The following AGBL1 variants were observed in gnomAD, a reference collection of about 807,000 sequenced individuals.
AGBL1 encodes AGBL carboxypeptidase 1.
Under a neutral mutation model 118.9 loss-of-function variants are expected in AGBL1, and 130 were observed. The observed-to-expected ratio is 1.09, with a 90% CI of 0.95 to 1.26. AGBL1 has a LOEUF of 1.26. AGBL1 is among the 50% of genes most tolerant of loss of function. The probability of loss-of-function intolerance (pLI) is 0.00; values close to 1 mark genes in which losing one functional copy is unlikely to be tolerated. For missense variants in AGBL1, 1,584 were observed against 1,298.1 expected (o/e 1.22, Z -3.38); for synonymous variants, 555 against 478.9 (o/e 1.16, Z -2.08).
intron 17 of AGBL1, among the ~76,000 whole-genome samples, chr15:86,348,847 A>T (rs1166096599): frequency 1.3e-5 from 2 of 151,932 alleles, no homozygotes; most frequent in Non-Finnish European, 2.9e-5. Context: ...TCTTGAGTTG[A>T]ATAGTGCCCC....
chr15:86,431,391 C>T (rs1416485083), intron 18 of AGBL1, among the ~76,000 whole-genome samples: 1 of 152,196 alleles, frequency 6.6e-6, no homozygotes, highest in African/African-American at 2.4e-5. Flanking sequence ...GCTAAGCACA[C>T]AGTGCTAAGC....
chr15:86,984,890 C>T lies in AGBL1; in HGVS notation c.3222-3097C>T, dbSNP rs145516567. 4.9e-3 allele frequency among the ~76,000 whole-genome samples: 741 copies of T among 152,272 alleles called. 10 individuals carry two copies. The highest frequency in any genetic ancestry group is 0.015 in the African/African-American group (606 of 41,552). On this transcript the variant is annotated intron_variant, in intron 23 of 24. Transcript: ENST00000441037. ...TATATACAAAATACTTCCATCCCTG[C>T]CTCCACTCCTGGCTGGTCACAGACA... is the stretch of plus-strand genomic sequence containing the variant.
intron 3 of AGBL1, among the ~76,000 whole-genome samples, chr15:86,152,899 A>G (rs538251320): frequency 6.6e-5 from 10 of 152,372 alleles, no homozygotes; most frequent in African/African-American, 2.4e-4. Flanking sequence ...GCCAACAGAC[A>G]TGTGAAGAAA....
At chr15:86,934,387 A>G (rs2080641520) in intron 23 of AGBL1, among the ~76,000 whole-genome samples, 1 of 152,236 alleles carries the variant, frequency 6.6e-6, no homozygotes, top group Admixed American at 6.5e-5. Flanking sequence ...TCATCCATTT[A>G]GAACAATAGA....
chr15:86,770,272 T>G (rs1430588787), intron 22 of AGBL1, among the ~76,000 whole-genome samples: 1 of 151,914 alleles, frequency 6.6e-6, no homozygotes, highest in African/African-American at 2.4e-5. Context: ...AACAGATACA[T>G]AAATAACTAT....
At chr15:86,921,321 C>T (rs2080479789) in intron 23 of AGBL1, among the ~76,000 whole-genome samples, 2 of 152,164 alleles carry the variant, frequency 1.3e-5, no homozygotes, top group Non-Finnish European at 2.9e-5. Context: ...AAATGGCCGT[C>T]AGAGTTCAGT....
chr15:86,401,852 C>T (rs1266919827), intron 18 of AGBL1, among the ~76,000 whole-genome samples: 4 of 152,088 alleles, frequency 2.6e-5, no homozygotes, highest in Non-Finnish European at 5.9e-5. Context: ...GTAACTATAG[C>T]CTTGTAGTAC....
chr15:86,472,040 C>T (rs2082486347), intron 18 of AGBL1, among the ~76,000 whole-genome samples: 2 of 152,146 alleles, frequency 1.3e-5, no homozygotes, highest in Admixed American at 6.5e-5. Flanking sequence ...TGGTGTGATG[C>T]AGCCATGAGC....
At chr15:86,978,808 C>T (rs2081200120) in intron 23 of AGBL1, among the ~76,000 whole-genome samples, 1 of 152,140 alleles carries the variant, frequency 6.6e-6, no homozygotes, top group Non-Finnish European at 1.5e-5. Context: ...GAGCCTCTTA[C>T]TATGTCTTGT....
intron 22 of AGBL1, among the ~76,000 whole-genome samples, chr15:86,709,652 A>G (rs1335697282): frequency 6.6e-6 from 1 of 152,206 alleles, no homozygotes; most frequent in African/African-American, 2.4e-5. Flanking sequence ...TTGTTCACCA[A>G]TAACATCAAC....
In AGBL1 at chr15:86,080,032, G is replaced by C. The variant is rs1444426712; in HGVS notation, c.51+9G>C. On this transcript the variant is annotated intron_variant, in intron 1 of 22. Transcript: ENST00000614907. ...TGCTGCACACGCTTCAGGTAGGAAA[G>C]GGTAGAGTGGGTGCAGAACCCGGCG... 1 of 1,232,076 alleles carries C rather than the reference G, an allele frequency of 8.1e-7. No homozygotes were observed. Among genetic ancestry groups the C allele is most frequent in the East Asian group, 3.2e-5 (1 of 31,702 alleles). 76.3% of individuals were successfully genotyped at this position (1,232,076 alleles called of 1,614,324 possible). A position where few individuals can be genotyped will look rare whatever the true frequency, so the allele number is the denominator to read the frequency against.
intron 22 of AGBL1, among the ~76,000 whole-genome samples, chr15:86,862,800 A>G (rs899397563): frequency 1.3e-5 from 2 of 152,336 alleles, no homozygotes; most frequent in African/African-American, 4.8e-5. Flanking sequence ...CGTAACAGCT[A>G]TTGGTTGTGC....
At chr15:86,289,286 G>C (rs571408463) in intron 16 of AGBL1, among the ~76,000 whole-genome samples, 71 of 152,150 alleles carry the variant, frequency 4.7e-4, no homozygotes, top group Middle Eastern at 3.4e-3. Flanking sequence ...CCTCACCGCT[G>C]TTGTCTCTTT....
chr15:86,377,326 T>A (rs1432073589), intron 17 of AGBL1, among the ~76,000 whole-genome samples: 1 of 152,224 alleles, frequency 6.6e-6, no homozygotes, highest in Non-Finnish European at 1.5e-5. Context: ...CTTGTTGAGG[T>A]GAGCCACTCA....
intron 22 of AGBL1, among the ~76,000 whole-genome samples, chr15:86,746,143 A>G (rs1158662434): frequency 2.0e-5 from 3 of 152,046 alleles, no homozygotes; most frequent in Non-Finnish European, 4.4e-5. Flanking sequence ...ACTGTAGCCC[A>G]AGAGAGTTTT....
intron 5 of AGBL1, among the ~76,000 whole-genome samples, chr15:86,205,943 A>G (rs2077984522): frequency 6.6e-6 from 1 of 152,060 alleles, no homozygotes; most frequent in Admixed American, 6.5e-5. Context: ...CTCGTCATTT[A>G]CATTAGGTAT....
intron 17 of AGBL1, among the ~76,000 whole-genome samples, chr15:86,320,534 A>G (rs1433571153): frequency 6.6e-6 from 1 of 152,052 alleles, no homozygotes; most frequent in Non-Finnish European, 1.5e-5. Flanking sequence ...CCGATATATC[A>G]TTTGAAACTG....
chr15:86,759,124 G>A (rs554013974), intron 22 of AGBL1, among the ~76,000 whole-genome samples: 2 of 151,942 alleles, frequency 1.3e-5, no homozygotes, highest in South Asian at 2.1e-4. Flanking sequence ...CATCAGTTCC[G>A]AACTCTGTAT....
At chr15:86,581,793 G>T (rs964901759) in intron 21 of AGBL1, among the ~76,000 whole-genome samples, 1 of 151,890 alleles carries the variant, frequency 6.6e-6, no homozygotes, top group Non-Finnish European at 1.5e-5. Context: ...TTGTAGTCTC[G>T]GTCAGGAAAT....
Sources: allele counts gnomAD v4.1 joint callset (sites outside exome capture counted in the v4.1 genomes callset), GRCh38; gene constraint gnomAD v4.1.1; transcripts MANE v1.5; gene names NCBI Gene and HGNC (gene_info 2026-07-23, HGNC 2026-07-21).